The following LRRFIP2 variants were observed in gnomAD, a reference collection of about 807,000 sequenced individuals.
The protein encoded by LRRFIP2 is LRR binding FLII interacting protein 2.
In LRRFIP2, 109 loss-of-function variants were observed where a neutral mutation model predicts 125.9. The ratio of observed to expected loss-of-function variants is 0.87; its 90% CI spans 0.74 to 1.01. LRRFIP2 has a LOEUF of 1.01. LRRFIP2 is among the 50% of genes least tolerant of loss of function. LRRFIP2 has a pLI of 0.00. For synonymous variants in LRRFIP2, 291 were observed against 293.1 expected (o/e 0.99, Z 0.07); for missense variants, 850 against 862.3 (o/e 0.99, Z 0.18).
At chr3:37,086,162 CAATA>C in intron 18 of LRRFIP2, among the ~76,000 whole-genome samples, 1 of 152,096 alleles carries the variant, frequency 6.6e-6, no homozygotes, top group African/African-American at 2.4e-5. Context: ...ATCGAAACCA[CAATA>C]AGATACCACC....
At chr3:37,092,341 A>G (rs983041958) in intron 17 of LRRFIP2, among the ~76,000 whole-genome samples, 1 of 152,234 alleles carries the variant, frequency 6.6e-6, no homozygotes, top group East Asian at 1.9e-4. Flanking sequence ...CAATTATTAA[A>G]GGCTGATTAT....
intron 18 of LRRFIP2, among the ~76,000 whole-genome samples, chr3:37,085,230 CCG>C (rs1255117283): frequency 6.6e-6 from 1 of 152,130 alleles, no homozygotes; most frequent in East Asian, 1.9e-4. Flanking sequence ...TATAAACCAG[CCG>C]GGTGCGGTGC....
intron 6 of LRRFIP2, 62 bp from the exon 7 acceptor site, chr3:37,115,157 A>C: frequency 8.6e-7 from 1 of 1,159,698 alleles, no homozygotes. Context: ...AAAGAAGAGA[A>C]GAAGTAATAT....
At chr3:37,167,262 C>A (rs1384474391) in intron 1 of LRRFIP2, among the ~76,000 whole-genome samples, 1 of 151,472 alleles carries the variant, frequency 6.6e-6, no homozygotes, top group Non-Finnish European at 1.5e-5. Flanking sequence ...ACAATGTCAC[C>A]CATCACCAGG....
intron 6 of LRRFIP2, among the ~76,000 whole-genome samples, chr3:37,115,544 A>C (rs2094741677): frequency 6.6e-6 from 1 of 152,224 alleles, no homozygotes. Flanking sequence ...AGCTGACATA[A>C]CAAGCATGGT....
At chr3:37,098,083 T>C (rs2093813540) in intron 15 of LRRFIP2, among the ~76,000 whole-genome samples, 1 of 144,002 alleles carries the variant, frequency 6.9e-6, no homozygotes, top group Non-Finnish European at 1.6e-5. Flanking sequence ...TTCTTTTTAT[T>C]ACCCACACTT....
rs927985225 is a variant in LRRFIP2 at position 37,060,807 on chromosome 3, T to C, written c.1750-1897A>G. Among the ~76,000 whole-genome samples, 5 of 152,180 alleles carry C rather than the reference T, an allele frequency of 3.3e-5. No homozygotes were observed. Among genetic ancestry groups the C allele is most frequent in the African/African-American group, 9.7e-5 (4 of 41,440 alleles). The stretch of plus-strand genomic sequence containing the variant: ...CACCATTTATTAAATAGCTCCCAAC[T>C]TGCACTCCCTCTAGACTATTCCTGT... On this transcript the variant is annotated intron_variant, in intron 24 of 27. Coordinates refer to ENST00000336686, the MANE Select transcript of LRRFIP2 (RefSeq NM_006309.4). The surrounding 1 kb of genome is among the most constrained non-coding windows in gnomAD (Gnocchi z 4.1).
chr3:37,113,052 C>A, intron 7 of LRRFIP2, 72 bp from the exon 8 acceptor site: 1 of 829,660 alleles, frequency 1.2e-6, no homozygotes, highest in Non-Finnish European at 2.0e-6. Context: ...AATTCATCTT[C>A]AAATTATATA....
chr3:37,164,616 G>A, intron 1 of LRRFIP2, among the ~76,000 whole-genome samples: 1 of 151,868 alleles, frequency 6.6e-6, no homozygotes, highest in Non-Finnish European at 1.5e-5. Flanking sequence ...AGCCACATGG[G>A]AGGCAGAGGC....
chr3:37,053,993 T>G, intron 27 of LRRFIP2, 32 bp from the exon 28 acceptor site: 1 of 1,282,216 alleles, frequency 7.8e-7, no homozygotes, highest in Non-Finnish European at 1.1e-6. Flanking sequence ...TCACTACATG[T>G]GGTCAGAAAC....
intron 19 of LRRFIP2, among the ~76,000 whole-genome samples, chr3:37,083,129 A>G (rs1990492): frequency 0.46 from 70,160 of 151,996 alleles, 16,995 homozygotes; most frequent in African/African-American, 0.51. Context: ...TAACATTACA[A>G]CTTATAAACC....
chr3:37,120,212 T>TTC (rs750916122), intron 6 of LRRFIP2, among the ~76,000 whole-genome samples: 1 of 150,254 alleles, frequency 6.7e-6, no homozygotes, highest in Non-Finnish European at 1.5e-5. Context: ...GTTCAAGCAA[T>TTC]TCTCCTGTTT....
chr3:37,146,743 A>G (rs2095864974), intron 2 of LRRFIP2, among the ~76,000 whole-genome samples: 1 of 152,228 alleles, frequency 6.6e-6, no homozygotes, highest in African/African-American at 2.4e-5. Context: ...GATGTAACTC[A>G]AATGTAACCC....
Position 37,058,843 on chromosome 3 carries a change from C to G in LRRFIP2, c.1817G>C (p.Gly606Ala). ...GCCATTCTGCAGTCCTGCCAGGTCA[C>G]CCACTGTGCCATCATTCCTGGAGCA... ...QKCSRNDGTV[G>A]DLAGLQNGSD... Residue 606 changes from glycine (G) to alanine (A), a missense_variant, in exon 25 of 28, where the codon GGT becomes GCT. Coordinates refer to ENST00000336686, the MANE Select transcript of LRRFIP2 (RefSeq NM_006309.4). 1.2e-6 allele frequency: 2 copies of G among 1,614,048 alleles called. No homozygotes were observed. Among genetic ancestry groups the G allele is most frequent in the African/African-American group, 1.3e-5 (1 of 75,008 alleles).
intron 24 of LRRFIP2, among the ~76,000 whole-genome samples, chr3:37,059,893 T>C (rs559187310): frequency 3.9e-5 from 6 of 152,206 alleles, no homozygotes; most frequent in African/African-American, 1.4e-4. Context: ...GCACTAAGAT[T>C]AAGTTTGCCA....
In LRRFIP2 at chr3:37,165,795, GAGAA is replaced by G. The variant is rs780657651; in HGVS notation, c.-56+8740_-56+8743del. 8.3e-4 allele frequency among the ~76,000 whole-genome samples: 15 copies of G among 18,042 alleles called. 1 individual carries two copies. The highest frequency in any genetic ancestry group is 3.6e-3 in the South Asian group (2 of 554). 11.8% of individuals were successfully genotyped at this position (18,042 alleles called of 152,430 possible). On this transcript the variant is annotated intron_variant, in intron 1 of 27. Coordinates refer to ENST00000336686, the MANE Select transcript of LRRFIP2 (RefSeq NM_006309.4). The stretch of plus-strand genomic sequence containing the variant: ...GAAAAGAAAAGAAAAGAGAAAGAAA[GAGAA>G]AGAAAGAAAGAAAGAAAGAAAGAAA...
intron 8 of LRRFIP2, among the ~76,000 whole-genome samples, chr3:37,111,512 C>T (rs1203763396): frequency 2.0e-5 from 3 of 152,102 alleles, no homozygotes; most frequent in East Asian, 1.9e-4. Context: ...AGAGAGAGTA[C>T]GATAAATATG....
At chr3:37,115,349 CAGTAAT>C (rs1459772103) in intron 6 of LRRFIP2, among the ~76,000 whole-genome samples, 126 of 152,196 alleles carry the variant, frequency 8.3e-4, no homozygotes, top group African/African-American at 2.9e-3. Context: ...AATTCATAAT[CAGTAAT>C]AGTGATATGA....
chr3:37,134,455 C>G (rs2095507587), intron 2 of LRRFIP2, among the ~76,000 whole-genome samples: 1 of 152,110 alleles, frequency 6.6e-6, no homozygotes, highest in Non-Finnish European at 1.5e-5. Flanking sequence ...AAAAACTGCT[C>G]TTAAGTCATT....
Sources: allele counts gnomAD v4.1 joint callset (sites outside exome capture counted in the v4.1 genomes callset), GRCh38; gene constraint gnomAD v4.1.1; non-coding constraint Gnocchi (gnomAD v3.1); transcripts MANE v1.5; gene names NCBI Gene and HGNC (gene_info 2026-07-23, HGNC 2026-07-21).